The following GFI1B variants were observed in gnomAD, a reference collection of about 807,000 sequenced individuals.
GFI1B encodes growth factor independent 1B transcriptional repressor, also known as zinc finger protein Gfi-1b.
A neutral mutation model predicts 35.3 loss-of-function variants in GFI1B; 20 were observed. The ratio of observed to expected loss-of-function variants is 0.57; its 90% CI spans 0.40 to 0.82. GFI1B has a LOEUF of 0.82. Ranked by LOEUF, GFI1B falls within the 40% of genes least tolerant of loss-of-function variation. GFI1B has a pLI of 0.00. For missense variants in GFI1B, 430 were observed against 446.3 expected (o/e 0.96, Z 0.33); for synonymous variants, 178 against 177.6 (o/e 1.00, Z -0.02).
intron 6 of GFI1B, 109 bp downstream of exon 6, chr9:132,990,016 A>G: frequency 2.1e-6 from 2 of 952,516 alleles, no homozygotes; most frequent in Non-Finnish European, 3.3e-6. Flanking sequence ...TCTAGTTACA[A>G]AGTCAAAGGC....
chr9:132,981,737 C>A (rs180847951), intron 1 of GFI1B, among the ~76,000 whole-genome samples: 1 of 152,010 alleles, frequency 6.6e-6, no homozygotes, highest in Admixed American at 6.5e-5. Flanking sequence ...CCTCCACGGA[C>A]AAGTCTTGTT....
intron 2 of GFI1B, among the ~76,000 whole-genome samples, chr9:132,973,295 CA>C (rs1848564017): frequency 1.3e-5 from 2 of 152,254 alleles, no homozygotes; most frequent in African/African-American, 4.8e-5. Context: ...GACCCCCGCA[CA>C]GAGCTTCCCC....
At chr9:132,974,622 AAG>A (rs1554825976), upstream of GFI1B, among the ~76,000 whole-genome samples, 1 of 150,828 alleles carries the variant, frequency 6.6e-6, no homozygotes, top group Non-Finnish European at 1.5e-5. Context: ...AAAAAAAAAA[AAG>A]GGAAGACAAG....
intron 1 of GFI1B, among the ~76,000 whole-genome samples, chr9:132,963,173 G>C (rs996160085): frequency 6.6e-6 from 1 of 151,492 alleles, no homozygotes; most frequent in Non-Finnish European, 1.5e-5. Flanking sequence ...ACATATATGG[G>C]AACTTTCATT....
intron 1 of GFI1B, among the ~76,000 whole-genome samples, chr9:132,981,161 T>C (rs938506437): frequency 1.3e-5 from 2 of 152,198 alleles, no homozygotes; most frequent in African/African-American, 2.4e-5. Context: ...CCTCCCACAG[T>C]GCTGGGATTA....
At chr9:132,961,358 G>A (rs552825715) in intron 1 of GFI1B, among the ~76,000 whole-genome samples, 52 of 151,520 alleles carry the variant, frequency 3.4e-4, no homozygotes, top group Non-Finnish European at 6.2e-4. Flanking sequence ...TATCACAAAC[G>A]GCCTCTCTAA....
chr9:132,986,001 G>A (rs1015928705), intron 1 of GFI1B, among the ~76,000 whole-genome samples: 1 of 152,186 alleles, frequency 6.6e-6, no homozygotes, highest in African/African-American at 2.4e-5. Flanking sequence ...ATGGGAGCAG[G>A]CTTGTCTGAG....
At chr9:132,968,479 A>G (rs1423003998) in intron 1 of GFI1B, among the ~76,000 whole-genome samples, 2 of 152,030 alleles carry the variant, frequency 1.3e-5, no homozygotes, top group African/African-American at 2.4e-5. Flanking sequence ...ATACACTTAG[A>G]TATGCATAGG....
Position 132,990,859 on chromosome 9 carries a change from G to GCGCTT in GFI1B, c.815-12_815-11insGCTTC. 1.2e-6 allele frequency: 2 copies of GCGCTT among 1,613,820 alleles called. No homozygotes were observed. The highest frequency in any genetic ancestry group is 1.7e-6 in the Non-Finnish European group (2 of 1,179,810). ...GACCCCGCCCTTGCTGTGCTGCGCT[G>GCGCTT]CCCTCCCTGCAGGTGAGAAGCCGCA... is the stretch of plus-strand genomic sequence containing the variant. On this transcript the variant is annotated splice_polypyrimidine_tract_variant and intron_variant, in intron 6 of 6. Coordinates refer to ENST00000372122, the MANE Select transcript of GFI1B (RefSeq NM_001377304.1).
At chr9:132,990,384 T>C (rs561530154) in intron 6 of GFI1B, among the ~76,000 whole-genome samples, 44 of 152,250 alleles carry the variant, frequency 2.9e-4, no homozygotes, top group African/African-American at 1.0e-3. Flanking sequence ...TTCATTCATT[T>C]GTTCACTCAT....
At chr9:132,955,808 A>ATGTGCATG (rs1491221602) in intron 1 of GFI1B, among the ~76,000 whole-genome samples, 1 of 146,428 alleles carries the variant, frequency 6.8e-6, no homozygotes, top group African/African-American at 2.5e-5. Context: ...GTGTGTGTGC[A>ATGTGCATG]TGTGTGTGTG....
At chr9:132,954,348 C>G (rs566594711) in intron 1 of GFI1B, among the ~76,000 whole-genome samples, 19 of 152,164 alleles carry the variant, frequency 1.2e-4, no homozygotes, top group African/African-American at 4.6e-4. Context: ...GCTGAGCTGC[C>G]TGGATTGCTT....
At chr9:132,960,792 G>A (rs534098818) in intron 1 of GFI1B, among the ~76,000 whole-genome samples, 3 of 151,884 alleles carry the variant, frequency 2.0e-5, no homozygotes, top group Non-Finnish European at 2.9e-5. Context: ...ATGAGCCACC[G>A]AGCCTGGCTC....
rs75659853 is a variant in GFI1B at position 132,983,963 on chromosome 9, C to T, written c.-20-2696C>T. 3.7e-4 allele frequency among the ~76,000 whole-genome samples: 56 copies of T among 152,270 alleles called. No individual in the cohort carries two copies. The East Asian group carries it at 8.3e-3, about 23-fold the overall frequency. Reference sequence around the variant, plus strand: ...CCTTCTTTATAAAATGGGACAGCAGCGGGACTCAGCATCTGGATTAAGCAT... The same window carrying T: ...CCTTCTTTATAAAATGGGACAGCAGTGGGACTCAGCATCTGGATTAAGCAT... On this transcript the variant is annotated intron_variant, in intron 1 of 6. Coordinates refer to ENST00000372122, the MANE Select transcript of GFI1B (RefSeq NM_001377304.1).
At chr9:132,948,322 C>T (rs1444248500) in intron 1 of GFI1B, among the ~76,000 whole-genome samples, 1 of 152,180 alleles carries the variant, frequency 6.6e-6, no homozygotes, top group African/African-American at 2.4e-5. Flanking sequence ...GTGAAAGAGA[C>T]AGAGATGGAA....
In GFI1B at chr9:132,967,868, G is replaced by A. The variant is rs546441713; in HGVS notation, c.-700-4857G>A. On this transcript the variant is annotated intron_variant, in intron 1 of 10. Coordinates refer to the GFI1B transcript ENST00000339463. ...ACAATCTTGGCTCACTGTAACCTCC[G>A]CCTCTGGGTTCAAGCGATTCTCCTG... Among the ~76,000 whole-genome samples, 16 of 151,890 alleles carry A rather than the reference G, an allele frequency of 1.1e-4. No individual in the cohort carries two copies. In the South Asian group the frequency reaches 2.5e-3, roughly 24 times the overall value.
At chr9:132,973,843 C>G (rs997948033), upstream of GFI1B, among the ~76,000 whole-genome samples, 5 of 152,218 alleles carry the variant, frequency 3.3e-5, no homozygotes, top group Non-Finnish European at 7.3e-5. Context: ...ACCTCTTCCT[C>G]TACACTTAAG....
chr9:132,971,766 G>A (rs1848534483), intron 1 of GFI1B, among the ~76,000 whole-genome samples: 1 of 152,208 alleles, frequency 6.6e-6, no homozygotes, highest in African/African-American at 2.4e-5. Context: ...TTGAGGTCAG[G>A]AGTTCGAGAC....
intron 1 of GFI1B, among the ~76,000 whole-genome samples, chr9:132,979,246 CTTTTTTTTTTTTTTT>C (rs34125755): frequency 4.2e-5 from 4 of 95,642 alleles, no homozygotes; most frequent in South Asian, 3.9e-4. Context: ...TCCTGGGACA[CTTTTTTTTTTTTTTT>C]TTTTTTTTTT....
Sources: allele counts gnomAD v4.1 joint callset (sites outside exome capture counted in the v4.1 genomes callset), GRCh38; gene constraint gnomAD v4.1.1; transcripts MANE v1.5; gene names NCBI Gene and HGNC (gene_info 2026-07-23, HGNC 2026-07-21).